The following ZNF362 variants were observed in gnomAD, a reference collection of about 807,000 sequenced individuals.
ZNF362 encodes zinc finger protein 362, also known as rotund homolog.
ZNF362 carries 11 observed loss-of-function variants against 42.9 expected under a neutral mutation model. The observed-to-expected ratio is 0.26, with a 90% CI of 0.16 to 0.42. The LOEUF is 0.42. Among genes scored for constraint, ZNF362 ranks in the 20% least tolerant of loss-of-function variants. The pLI, the probability that ZNF362 is intolerant of heterozygous loss-of-function variation, is 1.00. For missense variants in ZNF362, 362 were observed against 576.2 expected (o/e 0.63, Z 3.81); for synonymous variants, 255 against 257.3 (o/e 0.99, Z 0.09).
chr1:33,209,679 C>G, the ZNF362 span, among the ~76,000 whole-genome samples: 1 of 152,128 alleles, frequency 6.6e-6, no homozygotes, highest in Non-Finnish European at 1.5e-5. Context: ...GGAATTTATC[C>G]ATTTCTTCTA....
At chr1:33,246,191 C>A in the ZNF362 span, among the ~76,000 whole-genome samples, 1 of 152,170 alleles carries the variant, frequency 6.6e-6, no homozygotes, top group South Asian at 2.1e-4. Context: ...AATACACCTA[C>A]TCAAAGGGGG....
At chr1:33,176,114 A>C in the ZNF362 span, among the ~76,000 whole-genome samples, 8 of 152,140 alleles carry the variant, frequency 5.3e-5, no homozygotes, top group Non-Finnish European at 1.2e-4. Context: ...CTCTCCTTGG[A>C]AAAGTAACAG....
At chr1:33,278,768 A>G (rs963674773) in intron 4 of ZNF362, among the ~76,000 whole-genome samples, 1 of 152,088 alleles carries the variant, frequency 6.6e-6, no homozygotes, top group Non-Finnish European at 1.5e-5. Flanking sequence ...CTGACAGCTC[A>G]TTTCGACCTT....
the ZNF362 span, among the ~76,000 whole-genome samples, chr1:33,213,804 C>T: frequency 1.1e-4 from 17 of 152,060 alleles, no homozygotes; most frequent in African/African-American, 3.9e-4. Context: ...GAGATCACGC[C>T]ACTGCACTCC....
chr1:33,185,932 T>G, the ZNF362 span, among the ~76,000 whole-genome samples: 1 of 152,236 alleles, frequency 6.6e-6, no homozygotes. Flanking sequence ...TGTTCTTTTG[T>G]GGGCTGGGAT....
In ZNF362 at chr1:33,281,476, C is replaced by CT. The variant is rs1174656413; in HGVS notation, c.684-111_684-110insT. On this transcript the variant is annotated intron_variant, in intron 5 of 8. Transcript: ENST00000539719. The surrounding 1 kb of genome is among the most constrained non-coding windows in gnomAD (Gnocchi z 4.8). ...CAGGTGGTCCTGTGCTTCTTGGGCT[C>CT]ATCACAGGAAAGACCTGTCCCAGGT... 9.9e-7 allele frequency: 1 copy of CT among 1,006,740 alleles called. No homozygotes were observed. The highest frequency in any genetic ancestry group is 1.6e-5 in the African/African-American group (1 of 62,730). The allele number at this position is 1,006,740 out of a possible 1,614,324, so 62.4% of individuals were successfully genotyped here. A position where few individuals can be genotyped will look rare whatever the true frequency, so the allele number is the denominator to read the frequency against.
intron 2 of ZNF362, chr1:33,275,271 A>G (rs758606285): frequency 4.1e-4 from 401 of 985,310 alleles, no homozygotes; most frequent in Non-Finnish European, 4.7e-4. Flanking sequence ...CCCATCCTTC[A>G]TACTGCCCTG....
the ZNF362 span, among the ~76,000 whole-genome samples, chr1:33,148,734 A>C: frequency 6.6e-6 from 1 of 152,254 alleles, no homozygotes. Flanking sequence ...AATTATAAAA[A>C]GGTTATATTA....
the ZNF362 span, among the ~76,000 whole-genome samples, chr1:33,190,007 G>A: frequency 6.6e-6 from 1 of 151,832 alleles, no homozygotes; most frequent in African/African-American, 2.4e-5. Flanking sequence ...GGATCCCCTG[G>A]AATCAGTGTC....
At chr1:33,285,769 G>A (rs555084611) in intron 6 of ZNF362, among the ~76,000 whole-genome samples, 1 of 152,292 alleles carries the variant, frequency 6.6e-6, no homozygotes, top group African/African-American at 2.4e-5. Context: ...TTAAAACCAT[G>A]GAGAATACAT....
At chr1:33,278,255 A>G (rs942425790) in intron 4 of ZNF362, among the ~76,000 whole-genome samples, 18 of 152,068 alleles carry the variant, frequency 1.2e-4, no homozygotes, top group Non-Finnish European at 1.8e-4. Flanking sequence ...TGGCTTTTCA[A>G]TGTTCATGTG....
chr1:33,226,085 A>C, the ZNF362 span, among the ~76,000 whole-genome samples: 8 of 152,194 alleles, frequency 5.3e-5, no homozygotes, highest in Non-Finnish European at 1.0e-4. Flanking sequence ...CAGGAGGCAC[A>C]TACCTGACCA....
At chr1:33,182,484 G>A in the ZNF362 span, among the ~76,000 whole-genome samples, 1 of 152,168 alleles carries the variant, frequency 6.6e-6, no homozygotes, top group Non-Finnish European at 1.5e-5. Flanking sequence ...TAAGCCCTGG[G>A]GTCCCATTTC....
At chr1:33,228,254 C>G in the ZNF362 span, among the ~76,000 whole-genome samples, 8 of 152,112 alleles carry the variant, frequency 5.3e-5, no homozygotes, top group African/African-American at 1.9e-4. Context: ...GGAAAATTAT[C>G]CTTCCAGTTG....
At chr1:33,181,173 C>T in the ZNF362 span, 1 of 1,596,460 alleles carries the variant, frequency 6.3e-7, no homozygotes, top group Non-Finnish European at 8.5e-7. This position sits in a 1 kb window ranked among gnomAD's most constrained non-coding sequence, Gnocchi z 6.5. Flanking sequence ...CGCGGCGCGG[C>T]GCGCGTTGAG....
chr1:33,292,768 G>T (rs1646088561), intron 6 of ZNF362, among the ~76,000 whole-genome samples: 1 of 152,146 alleles, frequency 6.6e-6, no homozygotes, highest in South Asian at 2.1e-4. Context: ...TAGGTGATGG[G>T]GAGCCTAAGT....
At chr1:33,211,575 T>G in the ZNF362 span, among the ~76,000 whole-genome samples, 1 of 152,200 alleles carries the variant, frequency 6.6e-6, no homozygotes, top group South Asian at 2.1e-4. Context: ...CCCACTCTCT[T>G]CTGGTTTGCA....
chr1:33,290,756 C>T (rs1166308101), intron 6 of ZNF362, among the ~76,000 whole-genome samples: 1 of 152,208 alleles, frequency 6.6e-6, no homozygotes, highest in African/African-American at 2.4e-5. Flanking sequence ...GATTGCCATT[C>T]TAACTGGTGT....
At chr1:33,171,402 T>A in the ZNF362 span, among the ~76,000 whole-genome samples, 2 of 152,120 alleles carry the variant, frequency 1.3e-5, no homozygotes, top group African/African-American at 4.8e-5. Flanking sequence ...AGGGGGAAAT[T>A]GAGGCTCAGT....
Sources: allele counts gnomAD v4.1 joint callset (sites outside exome capture counted in the v4.1 genomes callset), GRCh38; gene constraint gnomAD v4.1.1; non-coding constraint Gnocchi (gnomAD v3.1); transcripts MANE v1.5; gene names NCBI Gene and HGNC (gene_info 2026-07-23, HGNC 2026-07-21).